The following ACADM variants were observed in gnomAD, a reference collection of about 807,000 sequenced individuals.
ACADM encodes the protein medium-chain specific acyl-CoA dehydrogenase, mitochondrial.
ACADM carries 49 observed loss-of-function variants against 58.9 expected under a neutral mutation model. That is an observed-to-expected ratio of 0.83 (90% CI 0.66 to 1.06). ACADM has a LOEUF of 1.06. ACADM is among the 50% of genes least tolerant of loss of function. The pLI is 0.00. For missense variants in ACADM, 496 were observed against 507.0 expected (o/e 0.98, Z 0.21); for synonymous variants, 160 against 157.7 (o/e 1.01, Z -0.11).
chr1:75,742,570 C>G (rs1475010452), intron 7 of ACADM, among the ~76,000 whole-genome samples: 1 of 152,158 alleles, frequency 6.6e-6, no homozygotes, highest in East Asian at 1.9e-4. Context: ...TCTGGCCCTT[C>G]TTCGGGACTA....
intron 6 of ACADM, among the ~76,000 whole-genome samples, chr1:75,738,632 A>G (rs1647401120): frequency 6.6e-6 from 1 of 152,168 alleles, no homozygotes; most frequent in East Asian, 1.9e-4. Context: ...ATAAATTGAC[A>G]TGGGTTCTCG....
In ACADM at chr1:75,740,054, T is replaced by G; in HGVS notation, c.543T>G (p.Asp181Glu). 1 of 1,612,540 alleles carries G rather than the reference T, an allele frequency of 6.2e-7. No homozygotes were observed. ...AGACCAAAGCAGAAAAGAAAGGAGA[T>G]GAGTATATTATTAATGGTCAGAAGA... Reference protein sequence around the residue: ...GIKTKAEKKGDEYIINGQKMW... With the variant: ...GIKTKAEKKGEEYIINGQKMW... The change falls in exon 7 of 12, where the codon GAT becomes GAG. Residue 181 changes from aspartate (D) to glutamate (E), a missense_variant. Asp to Glu is a conservative substitution (Grantham distance 45, BLOSUM62 2). Transcript: ENST00000370841.
chr1:75,730,821 C>T (rs1647135727), intron 2 of ACADM, among the ~76,000 whole-genome samples: 1 of 152,106 alleles, frequency 6.6e-6, no homozygotes, highest in Admixed American at 6.5e-5. Context: ...GCTACCGTGC[C>T]CAGACTTTCT....
chr1:75,737,794 A>ATT lies in ACADM; in HGVS notation c.469-2176_469-2175dup, dbSNP rs200529519. 1.9e-3 allele frequency among the ~76,000 whole-genome samples: 290 copies of ATT among 149,176 alleles called. 2 individuals are homozygous for ATT. Among genetic ancestry groups the ATT allele is most frequent in the Non-Finnish European group, 2.5e-3 (165 of 67,128 alleles). On this transcript the variant is annotated intron_variant, in intron 6 of 11. Coordinates refer to ENST00000370841, the MANE Select transcript of ACADM (RefSeq NM_000016.6). ...ATAATGCTTAAGCACAGAACCTGTCATTTTTTTTTTTATAATTTTACCAGT... is the reference window on the plus strand; with the variant it reads ...ATAATGCTTAAGCACAGAACCTGTCATTTTTTTTTTTTTATAATTTTACCAGT...
At chr1:75,759,458 A>G (rs976292474) in intron 10 of ACADM, among the ~76,000 whole-genome samples, 1 of 152,164 alleles carries the variant, frequency 6.6e-6, no homozygotes, top group Non-Finnish European at 1.5e-5. Flanking sequence ...GAACAGGAAC[A>G]TATTTCCATC....
intron 6 of ACADM, among the ~76,000 whole-genome samples, chr1:75,737,342 G>T (rs1647330218): frequency 1.4e-5 from 1 of 73,542 alleles, no homozygotes; most frequent in Non-Finnish European, 2.7e-5. Flanking sequence ...CCAAAAAGAA[G>T]AAAAGAAGAC....
At chr1:75,754,202 G>GTTTTT (rs1241220644) in intron 10 of ACADM, among the ~76,000 whole-genome samples, 1 of 142,616 alleles carries the variant, frequency 7.0e-6, no homozygotes. Context: ...TGAAACTTCA[G>GTTTTT]TTTTTTGTTT....
In ACADM at chr1:75,724,722, G is replaced by T; in HGVS notation, c.-66G>T. ...GTGGGCGGGACCAGAGGAGTCCCGC[G>T]TTCGGGGAGTATGTCAAGGCCGTGA... On this transcript the variant is annotated 5_prime_UTR_variant, in exon 1 of 12. Transcript: ENST00000370841. 2.6e-6 allele frequency: 4 copies of T among 1,534,076 alleles called. No homozygotes were observed. Among genetic ancestry groups the T allele is most frequent in the Non-Finnish European group, 3.5e-6 (4 of 1,137,264 alleles).
At chr1:75,744,609 A>G in intron 7 of ACADM, 2 of 1,123,452 alleles carry the variant, frequency 1.8e-6, no homozygotes, top group South Asian at 1.2e-5. Context: ...AGAAGCGAAC[A>G]CTGAAGACAC....
chr1:75,753,795 C>CTTTTTTTTTGTT (rs1648335870), intron 10 of ACADM, among the ~76,000 whole-genome samples: 1 of 81,930 alleles, frequency 1.2e-5, no homozygotes, highest in Non-Finnish European at 2.2e-5. Flanking sequence ...CTGATAGCTT[C>CTTTTTTTTTGTT]TTTTTTTTTT....
In ACADM at chr1:75,724,992, T is replaced by C. The variant is rs371104977; in HGVS notation, c.30+175T>C. On this transcript the variant is annotated intron_variant, in intron 1 of 11. Transcript: ENST00000370841. ...ACGCCTCCTACCACCGGACGGAACGTAGCCTAGCGTTTCATTTTCCGTATC... is the reference window on the plus strand; with the variant it reads ...ACGCCTCCTACCACCGGACGGAACGCAGCCTAGCGTTTCATTTTCCGTATC... Among the ~76,000 whole-genome samples, 6 of 152,306 alleles carry C rather than the reference T, an allele frequency of 3.9e-5. No individual in the cohort carries two copies. In the East Asian group the frequency reaches 5.8e-4, roughly 15 times the overall value.
In ACADM at chr1:75,762,806, C is replaced by G. The variant is rs773576853; in HGVS notation, c.*43C>G. 3.3e-6 allele frequency: 4 copies of G among 1,215,160 alleles called. No homozygotes were observed. Among genetic ancestry groups the G allele is most frequent in the South Asian group, 1.3e-5 (1 of 77,316 alleles). The allele number at this position is 1,215,160 out of a possible 1,614,324, so 75.3% of individuals were successfully genotyped here. A position where few individuals can be genotyped will look rare whatever the true frequency, so the allele number is the denominator to read the frequency against. On this transcript the variant is annotated 3_prime_UTR_variant, in exon 12 of 12. Transcript: ENST00000370841. ...TATTGAATAACTAGAACACAAGCCA[C>G]TGTTTCAGCTCCAGAAAAAAGAAAG...
chr1:75,757,678 C>T (rs1648587677), intron 10 of ACADM, among the ~76,000 whole-genome samples: 1 of 152,134 alleles, frequency 6.6e-6, no homozygotes, highest in South Asian at 2.1e-4. Context: ...ACTAGAAATG[C>T]CATTTGACCC....
At chr1:75,761,962 C>A (rs1648883419) in intron 11 of ACADM, among the ~76,000 whole-genome samples, 1 of 152,142 alleles carries the variant, frequency 6.6e-6, no homozygotes, top group South Asian at 2.1e-4. Flanking sequence ...TTGACTCATC[C>A]AGTCATTGGA....
At chr1:75,729,516 T>TC (rs1365397900) in intron 2 of ACADM, among the ~76,000 whole-genome samples, 1 of 151,070 alleles carries the variant, frequency 6.6e-6, no homozygotes, top group Non-Finnish European at 1.5e-5. Flanking sequence ...CTCTTTTCTT[T>TC]TTTTTGAGAC....
At chr1:75,751,525 G>A (rs1648204982) in intron 10 of ACADM, among the ~76,000 whole-genome samples, 1 of 149,576 alleles carries the variant, frequency 6.7e-6, no homozygotes, top group African/African-American at 2.5e-5. Context: ...GGGAGACAAA[G>A]TCTTGCTCTG....
At chr1:75,739,241 C>G (rs573821847) in intron 6 of ACADM, among the ~76,000 whole-genome samples, 1 of 152,284 alleles carries the variant, frequency 6.6e-6, no homozygotes, top group Non-Finnish European at 1.5e-5. Flanking sequence ...TCTCAAGCCC[C>G]TTGTCTGACT....
Position 75,750,474 on chromosome 1 carries a change from A to G in ACADM, c.873A>G (p.Leu291=). Residue 291 remains leucine (L), a synonymous_variant, in exon 10 of 12, where the codon TTA becomes TTG. Transcript: ENST00000370841. The part of the protein sequence containing the change: ...RPVVAAGAVG[L]AQRALDEATK... ...AGGTAGCTGCTGGTGCTGTTGGATT[A>G]GCACAAAGAGCTTTGGATGAAGCTA... 1.2e-6 allele frequency: 2 copies of G among 1,612,162 alleles called. No homozygotes were observed. The highest frequency in any genetic ancestry group is 1.7e-6 in the Non-Finnish European group (2 of 1,179,682).
chr1:75,756,983 G>A (rs890164475), intron 10 of ACADM, among the ~76,000 whole-genome samples: 1 of 152,116 alleles, frequency 6.6e-6, no homozygotes, highest in African/African-American at 2.4e-5. Flanking sequence ...TTAATAAATG[G>A]TGCTGGGAAA....
Sources: allele counts gnomAD v4.1 joint callset (sites outside exome capture counted in the v4.1 genomes callset), GRCh38; gene constraint gnomAD v4.1.1; transcripts MANE v1.5; gene names NCBI Gene and HGNC (gene_info 2026-07-23, HGNC 2026-07-21).